STOX2: variants seen among roughly 807,000 people sequenced by gnomAD.
STOX2 encodes the protein storkhead box 2.
Under a neutral mutation model 60.9 loss-of-function variants are expected in STOX2, and 28 were observed. The ratio of observed to expected loss-of-function variants is 0.46; its 90% CI spans 0.34 to 0.63. STOX2 has a LOEUF of 0.63. Ranked by LOEUF, STOX2 falls within the 30% of genes least tolerant of loss-of-function variation. The probability of loss-of-function intolerance (pLI) is 0.01; values close to 1 mark genes in which losing one functional copy is unlikely to be tolerated. For synonymous variants in STOX2, 472 were observed against 463.9 expected (o/e 1.02, Z -0.22); for missense variants, 1,024 against 1,187.7 (o/e 0.86, Z 2.03).
intron 1 of STOX2, among the ~76,000 whole-genome samples, chr4:183,893,145 A>G (rs1741265311): frequency 6.6e-6 from 1 of 150,568 alleles, no homozygotes; most frequent in Non-Finnish European, 1.5e-5. Context: ...ACTGTCTTTA[A>G]TTTATTGCCT....
chr4:183,895,396 A>AAT (rs1741318938), intron 1 of STOX2, among the ~76,000 whole-genome samples: 2 of 152,176 alleles, frequency 1.3e-5, no homozygotes, highest in Non-Finnish European at 1.5e-5. Flanking sequence ...ATAGCACTGA[A>AAT]GAGGGCCTAA....
At chr4:183,947,081 G>C (rs1017639828) in intron 1 of STOX2, among the ~76,000 whole-genome samples, 1 of 35,226 alleles carries the variant, frequency 2.8e-5, no homozygotes, top group East Asian at 7.0e-3. Flanking sequence ...TATCCTGGTG[G>C]GGGGTGGGGC....
upstream of STOX2, among the ~76,000 whole-genome samples, chr4:183,902,747 C>A (rs2111075288): frequency 6.6e-6 from 1 of 152,362 alleles, no homozygotes; most frequent in East Asian, 1.9e-4. Context: ...GCCTTCCCTT[C>A]ATAGCACTAT....
chr4:183,884,013 C>T (rs1741018977), intron 1 of STOX2, among the ~76,000 whole-genome samples: 1 of 152,150 alleles, frequency 6.6e-6, no homozygotes, highest in Admixed American at 6.5e-5. Context: ...CCACCACGCC[C>T]GGCTAATTTT....
chr4:184,014,110 C>CAAA (rs10527539), intron 3 of STOX2: 112 of 138,554 alleles, frequency 8.1e-4, no homozygotes, highest in African/African-American at 2.9e-3. Flanking sequence ...AAGCCCCAAC[C>CAAA]AAAAAAAAAA....
chr4:184,005,184 T>C (rs1200478094), intron 2 of STOX2, among the ~76,000 whole-genome samples: 3 of 152,152 alleles, frequency 2.0e-5, no homozygotes, highest in Non-Finnish European at 4.4e-5. Flanking sequence ...TAGAGGCTGA[T>C]TGTGGTGGCT....
At chr4:183,846,926 G>T (rs1740003214) in intron 1 of STOX2, among the ~76,000 whole-genome samples, 1 of 152,000 alleles carries the variant, frequency 6.6e-6, no homozygotes, top group Non-Finnish European at 1.5e-5. Flanking sequence ...CCTGCTTATT[G>T]TGGTTGCTGT....
rs1049999253 is a variant in STOX2 at position 183,825,423 on chromosome 4, C to T, written c.364+27368C>T. The stretch of plus-strand genomic sequence containing the variant: ...GTGTGGCGCGTGCTGCAGATGGCAG[C>T]GGTCAGCTCGTGTCATCTCCTAGCA... On this transcript the variant is annotated intron_variant, in intron 1 of 2. Coordinates refer to the STOX2 transcript ENST00000513034. The surrounding 1 kb of genome is among the most constrained non-coding windows in gnomAD (Gnocchi z 4.1). Among the ~76,000 whole-genome samples, 9 of 152,082 alleles carry T rather than the reference C, an allele frequency of 5.9e-5. No homozygotes were observed. The highest frequency in any genetic ancestry group is 1.9e-4 in the African/African-American group (8 of 41,350).
At chr4:183,851,122 G>C (rs370785766) in intron 1 of STOX2, among the ~76,000 whole-genome samples, 3,351 of 15,528 alleles carry the variant, frequency 0.22, 213 homozygotes, top group Non-Finnish European at 0.27. Flanking sequence ...ATGAGGGAAA[G>C]GATGAGGGAA....
chr4:183,994,480 C>A (rs1457125411), intron 1 of STOX2, among the ~76,000 whole-genome samples: 1 of 152,130 alleles, frequency 6.6e-6, no homozygotes, highest in African/African-American at 2.4e-5. Flanking sequence ...TAAAGCCCAA[C>A]TTTTTCAGTT....
chr4:183,965,070 G>A (rs577415328), intron 1 of STOX2, among the ~76,000 whole-genome samples: 12 of 152,168 alleles, frequency 7.9e-5, no homozygotes, highest in Non-Finnish European at 1.8e-4. Context: ...CTTGAAATCT[G>A]AAATTTGAAT....
chr4:183,934,823 G>A (rs142870981), intron 1 of STOX2, among the ~76,000 whole-genome samples: 2 of 152,342 alleles, frequency 1.3e-5, no homozygotes, highest in Admixed American at 6.5e-5. Context: ...AAAATTAGGT[G>A]TATTTTCATA....
intron 1 of STOX2, among the ~76,000 whole-genome samples, chr4:183,927,228 C>T (rs1742266525): frequency 6.6e-6 from 1 of 152,192 alleles, no homozygotes; most frequent in Admixed American, 6.5e-5. Flanking sequence ...AGTTTGGGCA[C>T]AGGCTCTGCA....
rs893872973 is a variant in STOX2 at position 183,825,636 on chromosome 4, G to T, written c.364+27581G>T. 6.6e-6 allele frequency among the ~76,000 whole-genome samples: 1 copy of T among 152,214 alleles called. No homozygotes were observed. Among genetic ancestry groups the T allele is most frequent in the Non-Finnish European group, 1.5e-5 (1 of 68,038 alleles). ...CGTCCTCTGTGTCCCAGGACTCGCG[G>T]TGAAGCCCTGAGCATGGGCTTCCAT... On this transcript the variant is annotated intron_variant, in intron 1 of 2. Coordinates refer to the STOX2 transcript ENST00000513034. The surrounding 1 kb of genome is among the most constrained non-coding windows in gnomAD (Gnocchi z 4.1).
upstream of STOX2, among the ~76,000 whole-genome samples, chr4:183,902,157 A>T (rs1195360512): frequency 2.0e-5 from 3 of 152,230 alleles, no homozygotes; most frequent in Non-Finnish European, 4.4e-5. Flanking sequence ...ATGAGCAACA[A>T]TGAATAAGAC....
At chr4:183,914,580 A>G (rs771651564) in intron 1 of STOX2, among the ~76,000 whole-genome samples, 34 of 152,274 alleles carry the variant, frequency 2.2e-4, no homozygotes, top group Middle Eastern at 6.3e-3. Context: ...TTCCAACTAC[A>G]GAGGGCTTTC....
intron 1 of STOX2, among the ~76,000 whole-genome samples, chr4:183,846,053 T>C (rs1400627656): frequency 1.3e-5 from 2 of 152,236 alleles, no homozygotes; most frequent in African/African-American, 4.8e-5. Flanking sequence ...TCTTCTTCAA[T>C]TTTGAAGGAT....
chr4:183,976,846 C>G (rs73871351), intron 1 of STOX2, among the ~76,000 whole-genome samples: 2 of 152,234 alleles, frequency 1.3e-5, no homozygotes, highest in African/African-American at 4.8e-5. Flanking sequence ...GAGTTTCTAT[C>G]CATTGGAATA....
intron 1 of STOX2, among the ~76,000 whole-genome samples, chr4:183,955,307 T>TA (rs1743215091): frequency 2.0e-5 from 3 of 152,234 alleles, no homozygotes; most frequent in South Asian, 4.1e-4. Flanking sequence ...TGAATACACT[T>TA]ACTTTCCTTA....
Sources: allele counts gnomAD v4.1 joint callset (sites outside exome capture counted in the v4.1 genomes callset), GRCh38; gene constraint gnomAD v4.1.1; non-coding constraint Gnocchi (gnomAD v3.1); transcripts MANE v1.5; gene names NCBI Gene and HGNC (gene_info 2026-07-23, HGNC 2026-07-21).